POLA1: variants seen among roughly 807,000 people sequenced by gnomAD.
POLA1 encodes DNA polymerase alpha 1, catalytic subunit.
POLA1 carries 15 observed loss-of-function variants against 124.0 expected under a neutral mutation model. The ratio of observed to expected loss-of-function variants is 0.12; its 90% CI spans 0.08 to 0.19. POLA1 has a LOEUF of 0.19. Among genes scored for constraint, POLA1 ranks in the 10% least tolerant of loss-of-function variants. POLA1 has a pLI of 1.00. For missense variants in POLA1, 886 were observed against 1,103.4 expected, an observed-to-expected ratio of 0.80 and a Z score of 2.79; for synonymous variants, 408 against 389.4, an observed-to-expected ratio of 1.05 and a Z score of -0.56.
intron 4 of POLA1, among the ~76,000 whole-genome samples, chrX:24,705,573 A>G (rs758911038): frequency 1.4e-4 from 16 of 111,901 alleles, no homozygotes; most frequent in African/African-American, 5.2e-4. Flanking sequence ...TATCTAATAT[A>G]TTGTCTGTAT....
At chrX:24,944,983 A>G (rs1183478848) in intron 36 of POLA1, among the ~76,000 whole-genome samples, 4 of 111,810 alleles carry the variant, frequency 3.6e-5, no homozygotes, top group Non-Finnish European at 7.5e-5. Flanking sequence ...CAAAAGCAAT[A>G]TAGGGTAGTG....
chrX:24,799,653 C>T (rs73626826), intron 26 of POLA1, among the ~76,000 whole-genome samples: 1 of 111,302 alleles, frequency 9.0e-6, no homozygotes, highest in Non-Finnish European at 1.9e-5. Context: ...GGTAGCTACC[C>T]AAGCCATTAT....
intron 30 of POLA1, among the ~76,000 whole-genome samples, chrX:24,820,371 G>T (rs1156404301): frequency 9.0e-6 from 1 of 111,504 alleles, no homozygotes; most frequent in African/African-American, 3.3e-5. Flanking sequence ...TTGAGAACGG[G>T]TGAGCTCATC....
chrX:24,839,463 T>C (rs895958819), intron 32 of POLA1, among the ~76,000 whole-genome samples: 2 of 112,096 alleles, frequency 1.8e-5, no homozygotes, highest in Non-Finnish European at 3.8e-5. Flanking sequence ...GCCAGTCGTT[T>C]GGGTGTTTCT....
chrX:24,828,557 C>G (rs752532824), intron 32 of POLA1, among the ~76,000 whole-genome samples: 1 of 111,878 alleles, frequency 8.9e-6, no homozygotes, highest in Non-Finnish European at 1.9e-5. Flanking sequence ...TGTACTCCCC[C>G]CCGCTCTCCA....
At position 24,727,860 on chromosome X, in the gene POLA1, A is replaced by G; in HGVS notation, c.1610A>G (p.Asp537Gly). ...LKPDLVNVIK[D>G]VSPPPLVVMA... ...CCAGACCTGGTGAATGTAATTAAGG[A>G]TGTCAGTCCACCACCGCTTGTCGTG... The change falls in exon 15 of 37, where the codon GAT (aspartate) becomes GGT (glycine). Residue 537 changes from aspartate to glycine, a missense_variant. Physicochemically the swap from Asp to Gly is moderately conservative, Grantham distance 94 (BLOSUM62 -1). This residue lies in a region of POLA1 where 337 missense variants were observed against 402.8 expected (regional missense o/e 0.84). Transcript: ENST00000379068. The G allele has an allele frequency of 8.3e-7, 1 of 1,207,612 alleles. No homozygotes were observed. Among genetic ancestry groups the G allele is most frequent in the Non-Finnish European group, 1.1e-6 (1 of 891,570 alleles).
chrX:24,815,037 C>G lies in POLA1; in HGVS notation c.3355C>G (p.Gln1119Glu). The change falls in exon 30 of 37, where the codon CAG becomes GAG. Residue 1119 changes from glutamine (Q) to glutamate (E), a missense_variant. Transcript: ENST00000379068. Reference sequence around the variant, plus strand: ...CCGGGACACTATAGTGGAAAACATTCAGAAGAGGCTGATAGAAATTGGAGA... The same window carrying G: ...CCGGGACACTATAGTGGAAAACATTGAGAAGAGGCTGATAGAAATTGGAGA... Reference protein sequence around the residue: ...QSRDTIVENIQKRLIEIGENV... With the variant: ...QSRDTIVENIEKRLIEIGENV... 8.6e-7 allele frequency: 1 copy of G among 1,168,678 alleles called. No homozygotes were observed.
chrX:24,881,606 C>A (rs982521583), intron 34 of POLA1, among the ~76,000 whole-genome samples: 3 of 111,334 alleles, frequency 2.7e-5, no homozygotes, highest in Admixed American at 1.9e-4. Context: ...GAGGACAGTA[C>A]CAGCTCCAAA....
chrX:24,842,272 A>T (rs1439993168), intron 33 of POLA1, among the ~76,000 whole-genome samples: 1 of 111,660 alleles, frequency 9.0e-6, no homozygotes. Flanking sequence ...ACTTACCTCC[A>T]TTTTGCAAAG....
Position 24,886,807 on chromosome X carries a change from A to G in POLA1, c.4048-1199A>G, listed in dbSNP as rs1441673768. Among the ~76,000 whole-genome samples the G allele has an allele frequency of 2.7e-5, 3 of 112,453 alleles. No homozygotes were observed. The East Asian group carries it at 8.3e-4, about 31-fold the overall frequency. On this transcript the variant is annotated intron_variant, in intron 34 of 36. Coordinates refer to ENST00000379068, the MANE Select transcript of POLA1 (RefSeq NM_001330360.2). ...ATTCCTTTATTAATGATAACTCAGC[A>G]TAGCTCTTTCTGGCCTGCATTCTTT... is the stretch of plus-strand genomic sequence containing the variant.
chrX:24,829,408 C>T (rs1257344744), intron 32 of POLA1, among the ~76,000 whole-genome samples: 2 of 111,513 alleles, frequency 1.8e-5, no homozygotes, highest in African/African-American at 3.3e-5. Context: ...CCTGCTTGTC[C>T]TCTTCTCTCA....
intron 36 of POLA1, among the ~76,000 whole-genome samples, chrX:24,958,734 C>A (rs1439629476): frequency 8.9e-6 from 1 of 112,021 alleles, no homozygotes; most frequent in Non-Finnish European, 1.9e-5. Context: ...AGGAAATGCA[C>A]TGAGATGCCA....
intron 36 of POLA1, among the ~76,000 whole-genome samples, chrX:24,936,541 T>G (rs774824142): frequency 1.2e-3 from 135 of 110,302 alleles, no homozygotes; most frequent in African/African-American, 4.1e-3. Flanking sequence ...TGTTTTTTGG[T>G]TTTTTTTTGA....
At chrX:24,868,248 G>A (rs2046820745) in intron 34 of POLA1, among the ~76,000 whole-genome samples, 1 of 111,979 alleles carries the variant, frequency 8.9e-6, no homozygotes, top group Non-Finnish European at 1.9e-5. Flanking sequence ...GCTTTTCTTC[G>A]TGAGCAAACG....
At chrX:24,956,682 A>T (rs1367036965) in intron 36 of POLA1, among the ~76,000 whole-genome samples, 2 of 112,004 alleles carry the variant, frequency 1.8e-5, no homozygotes, top group East Asian at 5.6e-4. Flanking sequence ...CTCCATATTT[A>T]TGTAGATGCA....
At chrX:24,832,654 C>T (rs368272892) in intron 32 of POLA1, among the ~76,000 whole-genome samples, 95 of 111,231 alleles carry the variant, frequency 8.5e-4, no homozygotes, top group African/African-American at 2.7e-3. Context: ...TTATCAAGAT[C>T]GTGTAGCTTA....
chrX:24,707,262 T>A (rs1413032782), intron 4 of POLA1, among the ~76,000 whole-genome samples: 1 of 112,207 alleles, frequency 8.9e-6, no homozygotes, highest in Non-Finnish European at 1.9e-5. Context: ...GGACTTGAGT[T>A]TTTGTCAGCT....
intron 26 of POLA1, among the ~76,000 whole-genome samples, chrX:24,797,332 C>A (rs1166212085): frequency 9.0e-6 from 1 of 110,864 alleles, no homozygotes; most frequent in Non-Finnish European, 1.9e-5. Flanking sequence ...TTTTACTCAC[C>A]ATTCAGCATT....
chrX:24,953,089 T>G (rs1183740666), intron 36 of POLA1, among the ~76,000 whole-genome samples: 1 of 112,238 alleles, frequency 8.9e-6, no homozygotes, highest in Non-Finnish European at 1.9e-5. Context: ...TTTACAGATA[T>G]AAAACAGGTA....
Sources: gnomAD v4.1 joint callset for allele counts (sites outside exome capture counted in the v4.1 genomes callset) on GRCh38, gnomAD v4.1.1 for gene constraint, gnomAD v4.1.1 regional missense constraint, MANE v1.5 for transcripts, NCBI Gene and HGNC (gene_info 2026-07-23, HGNC 2026-07-21) for gene names.